SDK1: variants seen among roughly 807,000 people sequenced by gnomAD.
SDK1 encodes the protein protein sidekick-1.
In SDK1, 157 loss-of-function variants were observed where a neutral mutation model predicts 245.5. That is an observed-to-expected ratio of 0.64 (90% CI 0.56 to 0.73). The LOEUF (loss-of-function observed/expected upper bound fraction) is 0.73, where lower values mean the gene tolerates loss of function less well. Among genes scored for constraint, SDK1 ranks in the 30% least tolerant of loss-of-function variants. The probability of loss-of-function intolerance (pLI) is 0.00; values close to 1 mark genes in which losing one functional copy is unlikely to be tolerated. For synonymous variants in SDK1, 1,647 were observed against 1,278.5 expected (o/e 1.29, Z -6.15); for missense variants, 3,583 against 3,002.3 (o/e 1.19, Z -4.52).
At chr7:3,522,024 A>G (rs936845290) in intron 1 of SDK1, among the ~76,000 whole-genome samples, 2 of 152,132 alleles carry the variant, frequency 1.3e-5, no homozygotes, top group African/African-American at 4.8e-5. Flanking sequence ...ACAATCAGGC[A>G]TCTTCTTATT....
intron 1 of SDK1, among the ~76,000 whole-genome samples, chr7:3,334,607 A>G (rs1332215588): frequency 5.9e-5 from 9 of 152,126 alleles, no homozygotes; most frequent in African/African-American, 1.7e-4. Context: ...CTCGCCCAGC[A>G]CATGGCACCA....
At chr7:3,609,710 C>G (rs1023243954) in intron 1 of SDK1, among the ~76,000 whole-genome samples, 1 of 147,102 alleles carries the variant, frequency 6.8e-6, no homozygotes, top group Admixed American at 6.8e-5. Context: ...TCCCCACCCC[C>G]CGCCACCCAA....
At chr7:4,228,740 A>G (rs1452453289) in intron 40 of SDK1, among the ~76,000 whole-genome samples, 1 of 152,154 alleles carries the variant, frequency 6.6e-6, no homozygotes, top group Admixed American at 6.5e-5. Flanking sequence ...GGGTTTCACC[A>G]TGTTGATCAG....
intron 1 of SDK1, among the ~76,000 whole-genome samples, chr7:3,581,381 A>C (rs1009262623): frequency 2.0e-5 from 3 of 152,242 alleles, no homozygotes; most frequent in African/African-American, 7.2e-5. Context: ...TATGCAGCCA[A>C]CAAGCATATG....
intron 5 of SDK1, among the ~76,000 whole-genome samples, chr7:3,929,340 A>G (rs1779893909): frequency 6.6e-6 from 1 of 152,196 alleles, no homozygotes; most frequent in African/African-American, 2.4e-5. Context: ...CTTGAACACG[A>G]TTGATCTTCA....
intron 35 of SDK1, among the ~76,000 whole-genome samples, chr7:4,205,016 G>A (rs1784133979): frequency 6.6e-6 from 1 of 152,182 alleles, no homozygotes; most frequent in Non-Finnish European, 1.5e-5. Flanking sequence ...AGGCGCGGAG[G>A]TGCGGCCGCA....
intron 22 of SDK1, among the ~76,000 whole-genome samples, chr7:4,083,345 C>G (rs1781185141): frequency 6.6e-6 from 1 of 152,042 alleles, no homozygotes; most frequent in African/African-American, 2.4e-5. Flanking sequence ...GTGGAATCCC[C>G]CACTCTTTTC....
At chr7:4,073,807 C>G (rs1404916613) in intron 20 of SDK1, among the ~76,000 whole-genome samples, 2 of 152,152 alleles carry the variant, frequency 1.3e-5, no homozygotes, top group African/African-American at 4.8e-5. Flanking sequence ...AAAGAATGGA[C>G]TCAGAGACCC....
At chr7:3,820,306 C>CGCCGAA (rs1779612897) in intron 4 of SDK1, among the ~76,000 whole-genome samples, 1 of 152,080 alleles carries the variant, frequency 6.6e-6, no homozygotes. Flanking sequence ...TGTGCCACCA[C>CGCCGAA]GCCGAACTAA....
intron 4 of SDK1, among the ~76,000 whole-genome samples, chr7:3,740,314 A>G (rs972948173): frequency 5.3e-5 from 8 of 152,198 alleles, no homozygotes; most frequent in Non-Finnish European, 1.2e-4. Flanking sequence ...CTGAATTTCC[A>G]GGAATAAGTC....
chr7:3,333,192 C>G (rs918338386), intron 1 of SDK1, among the ~76,000 whole-genome samples: 1 of 152,002 alleles, frequency 6.6e-6, no homozygotes, highest in Non-Finnish European at 1.5e-5. Context: ...GGGAGGGTAC[C>G]TGATTTCTAC....
chr7:3,583,239 A>T (rs1230336954), intron 1 of SDK1, among the ~76,000 whole-genome samples: 1 of 152,222 alleles, frequency 6.6e-6, no homozygotes, highest in Non-Finnish European at 1.5e-5. Context: ...TAAATTTGGC[A>T]GTTCCTGCTC....
At position 3,375,621 on chromosome 7, in the gene SDK1, G is replaced by C. The variant is rs190606419; in HGVS notation, c.298+73737G>C. On this transcript the variant is annotated intron_variant, in intron 1 of 44. Coordinates refer to ENST00000404826, the MANE Select transcript of SDK1 (RefSeq NM_152744.4). ...GCATCATTTGCTCTTGGGGGAGCTG[G>C]CTACCTTTCGTGAGGACACTCAAGC... Among the ~76,000 whole-genome samples the C allele has an allele frequency of 4.2e-3, 636 of 152,252 alleles. 8 individuals are homozygous for C. The highest frequency in any genetic ancestry group is 0.018 in the South Asian group (87 of 4,824).
At chr7:4,098,021 AC>A (rs1782272862) in intron 22 of SDK1, among the ~76,000 whole-genome samples, 1 of 152,174 alleles carries the variant, frequency 6.6e-6, no homozygotes, top group South Asian at 2.1e-4. Context: ...ACAATGACAT[AC>A]ATACTCAGAA....
chr7:3,845,513 G>T (rs1404563732), intron 5 of SDK1, among the ~76,000 whole-genome samples: 2 of 116,208 alleles, frequency 1.7e-5, no homozygotes, highest in African/African-American at 4.0e-5. Flanking sequence ...AAAAAAAAAA[G>T]GCCCTAGAGA....
At chr7:4,085,270 G>A (rs1189340802) in intron 22 of SDK1, among the ~76,000 whole-genome samples, 1 of 152,140 alleles carries the variant, frequency 6.6e-6, no homozygotes, top group East Asian at 1.9e-4. Flanking sequence ...TCAGTGGTAT[G>A]ACTAACAGAG....
intron 5 of SDK1, among the ~76,000 whole-genome samples, chr7:3,856,313 A>G (rs1780544082): frequency 6.6e-6 from 1 of 152,098 alleles, no homozygotes; most frequent in South Asian, 2.1e-4. Flanking sequence ...TCAAGAAAAT[A>G]TATGAAAAGA....
chr7:4,205,112 G>A (rs1019744727), intron 35 of SDK1, among the ~76,000 whole-genome samples: 5 of 140,614 alleles, frequency 3.6e-5, no homozygotes, highest in Non-Finnish European at 7.7e-5. Context: ...CCCAGGGGGA[G>A]CGAGGGGGCT....
In SDK1 at chr7:3,335,310, G is replaced by A. The variant is rs559570223; in HGVS notation, c.298+33426G>A. 2.0e-5 allele frequency among the ~76,000 whole-genome samples: 3 copies of A among 152,124 alleles called. No individual in the cohort carries two copies. In the South Asian group the frequency reaches 6.2e-4, roughly 32 times the overall value. ...TTATCTTTCTTTATTTACCCCCTAA[G>A]CATTATCCACCTGGCTTACCAAGTT... On this transcript the variant is annotated intron_variant, in intron 1 of 44. Transcript: ENST00000404826.
Sources: allele counts gnomAD v4.1 joint callset (sites outside exome capture counted in the v4.1 genomes callset), GRCh38; gene constraint gnomAD v4.1.1; transcripts MANE v1.5; gene names NCBI Gene and HGNC (gene_info 2026-07-23, HGNC 2026-07-21).